ABCC6: variants seen among roughly 807,000 people sequenced by gnomAD.
The protein encoded by ABCC6 is ATP-binding cassette sub-family C member 6.
ABCC6 carries 126 observed loss-of-function variants against 169.5 expected under a neutral mutation model. The ratio of observed to expected loss-of-function variants is 0.74; its 90% confidence interval spans 0.64 to 0.86. ABCC6 has a LOEUF of 0.86. Ranked by LOEUF, ABCC6 falls within the 40% of genes least tolerant of loss-of-function variation. ABCC6 has a pLI of 0.00. For missense variants in ABCC6, 1,733 were observed against 1,927.2 expected (o/e 0.90, Z 1.89); for synonymous variants, 752 against 814.7 (o/e 0.92, Z 1.31).
chr16:16,191,620 T>C lies in ABCC6; in HGVS notation c.1431+1210A>G, dbSNP rs549029366. On this transcript the variant is annotated intron_variant, in intron 11 of 30. Coordinates refer to ENST00000205557, the MANE Select transcript of ABCC6 (RefSeq NM_001171.6). ...CTTCCCTATCTCCTTTCTTCCTCTT[T>C]CCTTTGCTTTCTTCCCTCTTTCCTT... Among the ~76,000 whole-genome samples, 236 of 141,676 alleles carry C rather than the reference T, an allele frequency of 1.7e-3. 2 individuals carry two copies. Among genetic ancestry groups the C allele is most frequent in the African/African-American group, 6.1e-3 (231 of 38,062 alleles). The allele number at this position is 141,676 out of a possible 152,430, so 92.9% of individuals were successfully genotyped here.
chr16:16,175,335 G>A (rs1319433010), intron 20 of ABCC6, among the ~76,000 whole-genome samples: 9 of 152,244 alleles, frequency 5.9e-5, no homozygotes, highest in African/African-American at 1.7e-4. Context: ...CTGTTGTTCT[G>A]CTTCCCAAGA....
At chr16:16,159,681 C>T in intron 25 of ABCC6, 98 bp from the exon 26 acceptor site, 2 of 1,098,014 alleles carry the variant, frequency 1.8e-6, no homozygotes, top group South Asian at 1.3e-5. Context: ...AGGCCAGACC[C>T]AGGGGAGTAA....
intron 4 of ABCC6, among the ~76,000 whole-genome samples, chr16:16,219,120 G>GAGT (rs1283023411): frequency 7.9e-6 from 1 of 125,868 alleles, no homozygotes; most frequent in Non-Finnish European, 1.6e-5. Flanking sequence ...ACAGAAATAC[G>GAGT]AGTGGTGTGC....
intron 6 of ABCC6, among the ~76,000 whole-genome samples, chr16:16,211,331 G>T (rs1228042342): frequency 6.6e-6 from 1 of 152,120 alleles, no homozygotes; most frequent in Non-Finnish European, 1.5e-5. Flanking sequence ...AACCCAGGAG[G>T]CGGAGGTTGC....
chr16:16,216,005 C>T (rs1181604835), intron 4 of ABCC6, among the ~76,000 whole-genome samples: 20 of 152,084 alleles, frequency 1.3e-4, no homozygotes, highest in African/African-American at 2.2e-4. Flanking sequence ...CTGCAACCTC[C>T]GTCTCCTGGA....
chr16:16,219,557 TC>T lies in ABCC6; in HGVS notation c.470del (p.Gly157GlufsTer75). The T allele has an allele frequency of 6.3e-7, 1 of 1,596,220 alleles. No individual in the cohort carries two copies. Among genetic ancestry groups the T allele is most frequent in the East Asian group, 2.2e-5 (1 of 44,560 alleles). On this transcript the variant is annotated frameshift_variant, in exon 4 of 31. Coordinates refer to ENST00000205557, the MANE Select transcript of ABCC6 (RefSeq NM_001171.6). LOFTEE classifies it high-confidence loss of function. ...GGTGGCCCACGCCCCGACTTACCGC[TC>T]CGGAGGCCTGCTGGGCAGCGTTGGT... Reference protein sequence around the residue: ...PATNAAQQASGAGFQSDPVRH... With the variant: ...PATNAAQQASXAGFQSDPVRH...
At chr16:16,190,034 C>G (rs895917410) in intron 12 of ABCC6, 130 bp downstream of exon 12, 4 of 945,470 alleles carry the variant, frequency 4.2e-6, no homozygotes, top group Non-Finnish European at 6.6e-6. Context: ...CCAGAGAGAA[C>G]AGGATCCAGA....
At chr16:16,219,432 A>G (rs1422358869) in intron 4 of ABCC6, 122 bp downstream of exon 4, 1 of 616,470 alleles carries the variant, frequency 1.6e-6, no homozygotes, top group Non-Finnish European at 2.9e-6. Flanking sequence ...AGTGTAAGTG[A>G]CTGGCTTGTG....
At chr16:16,158,055 CTT>C (rs1331883346) in intron 26 of ABCC6, among the ~76,000 whole-genome samples, 2 of 152,054 alleles carry the variant, frequency 1.3e-5, no homozygotes, top group African/African-American at 4.8e-5. Context: ...AAAATAATCT[CTT>C]TTTCTATAGT....
intron 29 of ABCC6, among the ~76,000 whole-genome samples, chr16:16,151,123 G>T (rs1292820494): frequency 6.6e-6 from 1 of 150,794 alleles, no homozygotes; most frequent in Non-Finnish European, 1.5e-5. Context: ...GGCGTGCAAT[G>T]GCACAATCTC....
chr16:16,170,241 T>G (rs8043704), intron 21 of ABCC6, among the ~76,000 whole-genome samples: 148,544 of 152,018 alleles, frequency 0.98, 72,668 homozygotes, highest in Middle Eastern at 1. Flanking sequence ...GTCAGGACTA[T>G]AGGTTTGTAC....
chr16:16,166,055 T>C, intron 22 of ABCC6, 122 bp from the exon 23 acceptor site: 1 of 994,528 alleles, frequency 1.0e-6, no homozygotes, highest in Non-Finnish European at 1.5e-6. Context: ...CCACCCTGAT[T>C]ATTATATTTT....
At chr16:16,215,046 CCTT>C (rs1379051472) in intron 4 of ABCC6, among the ~76,000 whole-genome samples, 9 of 152,244 alleles carry the variant, frequency 5.9e-5, no homozygotes, top group South Asian at 2.1e-4. Context: ...AAACAATTTA[CCTT>C]CTTCTTTGTG....
At position 16,169,735 on chromosome 16, in the gene ABCC6, C is replaced by G. The variant is rs966638212; in HGVS notation, c.2906G>C (p.Ser969Thr). The change falls in exon 22 of 31, where the codon AGC (serine) becomes ACC (threonine). Residue 969 changes from serine to threonine, a missense_variant. Around this residue, in one of 5 missense-constraint regions of ABCC6, gnomAD observed 1,601 missense variants for 1,635.5 expected, o/e 0.98. Transcript: ENST00000205557. ...VASFCRGYWL[S>T]LWADDPAVGG... is the part of the protein sequence containing the mutation. ...TACTGCAGGGTCGTCCGCCCACAGGCTCAGCCAGTAGCCCCGGCAGAAGGA... is the reference window on the plus strand; with the variant it reads ...TACTGCAGGGTCGTCCGCCCACAGGGTCAGCCAGTAGCCCCGGCAGAAGGA... 2 of 1,609,116 alleles carry G rather than the reference C, an allele frequency of 1.2e-6. No homozygotes were observed. Among genetic ancestry groups the G allele is most frequent in the South Asian group, 2.2e-5 (2 of 90,346 alleles).
At chr16:16,164,331 C>A (rs1001578521) in intron 23 of ABCC6, among the ~76,000 whole-genome samples, 3 of 152,068 alleles carry the variant, frequency 2.0e-5, no homozygotes, top group African/African-American at 7.2e-5. Context: ...CATGCCTAGC[C>A]CTAGCCATGG....
chr16:16,194,949 A>T (rs1463142766), intron 10 of ABCC6, among the ~76,000 whole-genome samples: 1 of 151,844 alleles, frequency 6.6e-6, no homozygotes, highest in East Asian at 1.9e-4. Flanking sequence ...CAAAGTGCTG[A>T]TATTACAGGT....
chr16:16,197,602 AGAG>A (rs1446225740), intron 10 of ABCC6, among the ~76,000 whole-genome samples: 27 of 144,864 alleles, frequency 1.9e-4, no homozygotes, highest in African/African-American at 5.9e-4. Context: ...GGAGAGAGGA[AGAG>A]GAGGAGGAGG....
chr16:16,157,458 G>C (rs1276172314), intron 27 of ABCC6, among the ~76,000 whole-genome samples: 1 of 152,106 alleles, frequency 6.6e-6, no homozygotes, highest in African/African-American at 2.4e-5. Context: ...CTCATCTGGG[G>C]ACACCAAGGT....
At chr16:16,183,248 A>G (rs1023389804) in intron 15 of ABCC6, among the ~76,000 whole-genome samples, 33 of 152,078 alleles carry the variant, frequency 2.2e-4, no homozygotes, top group Non-Finnish European at 3.8e-4. Flanking sequence ...CAATCAATCC[A>G]TGCTCACACG....
Sources: gnomAD v4.1 joint callset for allele counts (sites outside exome capture counted in the v4.1 genomes callset) on GRCh38, gnomAD v4.1.1 for gene constraint, gnomAD v4.1.1 regional missense constraint, MANE v1.5 for transcripts, NCBI Gene and HGNC (gene_info 2026-07-23, HGNC 2026-07-21) for gene names.